Variants in MBTD1 observed in about 807,000 individuals in gnomAD.
MBTD1 encodes MBT domain-containing protein 1.
A neutral mutation model predicts 87.8 loss-of-function variants in MBTD1; 24 were observed. That is an observed-to-expected ratio of 0.27 (90% confidence interval 0.20 to 0.38). The LOEUF (loss-of-function observed/expected upper bound fraction) is 0.38, where lower values mean the gene tolerates loss of function less well. Ranked by LOEUF, MBTD1 falls within the 10% of genes least tolerant of loss-of-function variation. The pLI is 1.00. For missense variants in MBTD1, 436 were observed against 760.2 expected (o/e 0.57, Z 5.02); for synonymous variants, 237 against 248.6 (o/e 0.95, Z 0.44).
intron 2 of MBTD1, among the ~76,000 whole-genome samples, chr17:51,254,736 A>G (rs1053475157): frequency 6.6e-6 from 1 of 152,224 alleles, no homozygotes; most frequent in Admixed American, 6.5e-5. Flanking sequence ...TGTATGATAA[A>G]ATAAAAAAAT....
At chr17:51,188,946 C>T (rs569653320) in intron 16 of MBTD1, among the ~76,000 whole-genome samples, 24 of 151,920 alleles carry the variant, frequency 1.6e-4, no homozygotes, top group East Asian at 1.9e-4. Flanking sequence ...TTAGTAGAGA[C>T]GGGGTTTCTC....
chr17:51,214,099 A>T (rs747469951), intron 6 of MBTD1, among the ~76,000 whole-genome samples: 3 of 147,718 alleles, frequency 2.0e-5, no homozygotes, highest in African/African-American at 5.0e-5. Flanking sequence ...ACATACACAC[A>T]TATGTATATA....
intron 2 of MBTD1, among the ~76,000 whole-genome samples, chr17:51,251,961 C>G (rs1057106774): frequency 6.6e-6 from 1 of 152,124 alleles, no homozygotes; most frequent in Non-Finnish European, 1.5e-5. Context: ...GACAGGGTTT[C>G]GCCATGTTGG....
rs374619221 is a variant in MBTD1, at chr17:51,195,496, TTA to T, written c.1225-137_1225-136del. 229 of 597,678 alleles carry T rather than the reference TTA, an allele frequency of 3.8e-4. 1 individual carries two copies. In the South Asian group the frequency reaches 6.9e-3, roughly 18 times the overall value. 37.0% of individuals were successfully genotyped at this position (597,678 alleles called of 1,614,324 possible). Reference sequence around the variant, plus strand: ...AAGTGAAACATGCTTCTCTATTGAGTTATGTTAAATAACAGAAGTTCTAATGA... The same window carrying T: ...AAGTGAAACATGCTTCTCTATTGAGTTGTTAAATAACAGAAGTTCTAATGA... On this transcript the variant is annotated intron_variant, in intron 12 of 16. Coordinates refer to ENST00000586178, the MANE Select transcript of MBTD1 (RefSeq NM_017643.3).
chr17:51,219,107 T>C, intron 4 of MBTD1, 63 bp from the exon 5 acceptor site: 2 of 789,986 alleles, frequency 2.5e-6, no homozygotes, highest in Admixed American at 4.0e-5. Flanking sequence ...ACAATTTAAC[T>C]GGACTGCATA....
Position 51,259,957 on chromosome 17 carries a change from G to C in MBTD1, c.-235C>G. ...CTCCCCGGGACTGCGGCGACTACAG[G>C]GGGCCCCCGGCTGGGCCCAGACCGG... On this transcript the variant is annotated 5_prime_UTR_variant, in exon 1 of 17. Transcript: ENST00000586178. The C allele has an allele frequency of 8.9e-7, 1 of 1,124,670 alleles. No individual in the cohort carries two copies. The highest frequency in any genetic ancestry group is 1.6e-5 in the African/African-American group (1 of 62,432). The allele number at this position is 1,124,670 out of a possible 1,614,324, so 69.7% of individuals were successfully genotyped here.
intron 2 of MBTD1, among the ~76,000 whole-genome samples, chr17:51,255,636 C>A (rs2055045612): frequency 6.6e-6 from 1 of 150,526 alleles, no homozygotes; most frequent in South Asian, 2.1e-4. Context: ...CACTCTGTCG[C>A]CCAGGCTGGA....
intron 3 of MBTD1, among the ~76,000 whole-genome samples, chr17:51,223,406 T>C (rs1015711743): frequency 6.6e-6 from 1 of 151,720 alleles, no homozygotes; most frequent in African/African-American, 2.4e-5. Flanking sequence ...TATGGTAGCA[T>C]GTGCCTACAG....
rs1425997967 is a variant in MBTD1 at position 51,259,152 on chromosome 17, G to C, written c.-58C>G. On this transcript the variant is annotated 5_prime_UTR_variant, in exon 2 of 17. Coordinates refer to ENST00000586178, the MANE Select transcript of MBTD1 (RefSeq NM_017643.3). ...GGTTCAGACTACCTACCACTTGTCA[G>C]AGAGGCTGCAGAGGGGACGGCTGCT... 2.8e-6 allele frequency: 2 copies of C among 722,344 alleles called. No individual in the cohort carries two copies. The highest frequency in any genetic ancestry group is 3.8e-6 in the Non-Finnish European group (2 of 522,144). 44.7% of individuals were successfully genotyped at this position (722,344 alleles called of 1,614,324 possible). A position where few individuals can be genotyped will look rare whatever the true frequency, so the allele number is the denominator to read the frequency against.
At chr17:51,240,429 T>G (rs2054099021) in intron 2 of MBTD1, among the ~76,000 whole-genome samples, 1 of 152,152 alleles carries the variant, frequency 6.6e-6, no homozygotes, top group Non-Finnish European at 1.5e-5. Context: ...ATTTCTCAGG[T>G]TTTCTTGGTT....
intron 2 of MBTD1, among the ~76,000 whole-genome samples, chr17:51,227,671 T>G (rs2053308926): frequency 6.6e-6 from 1 of 152,130 alleles, no homozygotes; most frequent in Non-Finnish European, 1.5e-5. Context: ...GCCTTTCAGC[T>G]GGGTGCAGTG....
intron 6 of MBTD1, among the ~76,000 whole-genome samples, chr17:51,214,756 C>T (rs1364591909): frequency 6.6e-6 from 1 of 152,094 alleles, no homozygotes; most frequent in Non-Finnish European, 1.5e-5. Context: ...GAAGAGAAGG[C>T]AGGTGTAGAG....
chr17:51,246,721 C>T (rs2054457567), intron 2 of MBTD1, among the ~76,000 whole-genome samples: 1 of 152,102 alleles, frequency 6.6e-6, no homozygotes, highest in African/African-American at 2.4e-5. Context: ...CTGCAACCTC[C>T]GCCTCCAGGG....
At chr17:51,234,114 G>A (rs1030789033) in intron 2 of MBTD1, among the ~76,000 whole-genome samples, 3 of 152,072 alleles carry the variant, frequency 2.0e-5, no homozygotes, top group Admixed American at 2.0e-4. Flanking sequence ...ACAAGGCCAG[G>A]CGTGATGGCT....
rs905660724 is a variant in MBTD1 at position 51,179,792 on chromosome 17, C to G, written c.*784G>C. On this transcript the variant is annotated 3_prime_UTR_variant, in exon 17 of 17. Coordinates refer to ENST00000586178, the MANE Select transcript of MBTD1 (RefSeq NM_017643.3). ...TATTTTTTTTAGAAAGGAAAATAAACTAAGGACAACATTACATTTTCCCCA... is the reference window on the plus strand; with the variant it reads ...TATTTTTTTTAGAAAGGAAAATAAAGTAAGGACAACATTACATTTTCCCCA... 6.6e-6 allele frequency: 1 copy of G among 151,586 alleles called. No homozygotes were observed. The highest frequency in any genetic ancestry group is 1.5e-5 in the Non-Finnish European group (1 of 67,850). 9.4% of individuals were successfully genotyped at this position (151,586 alleles called of 1,614,324 possible).
At position 51,178,291 on chromosome 17, in the gene MBTD1, C is replaced by T. The variant is rs2050170043; in HGVS notation, c.*2285G>A. On this transcript the variant is annotated 3_prime_UTR_variant, in exon 17 of 17. Coordinates refer to ENST00000586178, the MANE Select transcript of MBTD1 (RefSeq NM_017643.3). Reference sequence around the variant, plus strand: ...AAGAGGGCTTTAGGTTGTGTTCAGACTGTAGAAAAGTCCTTACCAACCTTC... The same window carrying T: ...AAGAGGGCTTTAGGTTGTGTTCAGATTGTAGAAAAGTCCTTACCAACCTTC... The T allele has an allele frequency of 6.6e-6, 1 of 152,144 alleles. No homozygotes were observed. Among genetic ancestry groups the T allele is most frequent in the African/African-American group, 2.4e-5 (1 of 41,426 alleles). The allele number at this position is 152,144 out of a possible 1,614,324, so 9.4% of individuals were successfully genotyped here.
chr17:51,179,161 G>T lies in MBTD1; in HGVS notation c.*1415C>A, dbSNP rs993663728. On this transcript the variant is annotated 3_prime_UTR_variant, in exon 17 of 17. Coordinates refer to ENST00000586178, the MANE Select transcript of MBTD1 (RefSeq NM_017643.3). ...AATCATTTTGATTAATTTCTAATTAGCCCTACCTATATTCCAGAGGAGATG... is the reference window on the plus strand; with the variant it reads ...AATCATTTTGATTAATTTCTAATTATCCCTACCTATATTCCAGAGGAGATG... 2 of 151,850 alleles carry T rather than the reference G, an allele frequency of 1.3e-5. No homozygotes were observed. Among genetic ancestry groups the T allele is most frequent in the Non-Finnish European group, 2.9e-5 (2 of 67,996 alleles). 9.4% of individuals were successfully genotyped at this position (151,850 alleles called of 1,614,324 possible). A position where few individuals can be genotyped will look rare whatever the true frequency, so the allele number is the denominator to read the frequency against.
At chr17:51,238,974 T>C (rs1349471134) in intron 2 of MBTD1, among the ~76,000 whole-genome samples, 1 of 151,872 alleles carries the variant, frequency 6.6e-6, no homozygotes, top group African/African-American at 2.4e-5. Flanking sequence ...GTAATGTGCG[T>C]CTGTAGTCCC....
At chr17:51,242,456 T>A (rs919438669) in intron 2 of MBTD1, among the ~76,000 whole-genome samples, 2 of 152,232 alleles carry the variant, frequency 1.3e-5, no homozygotes, top group African/African-American at 4.8e-5. Context: ...TGGAGTTTAG[T>A]ATTTCTTTGC....
Sources: gnomAD v4.1 joint callset for allele counts (sites outside exome capture counted in the v4.1 genomes callset) on GRCh38, gnomAD v4.1.1 for gene constraint, MANE v1.5 for transcripts, NCBI Gene and HGNC (gene_info 2026-07-23, HGNC 2026-07-21) for gene names.